ITGA5: variants seen among roughly 807,000 people sequenced by gnomAD.
ITGA5 encodes integrin alpha-5.
Under a neutral mutation model 146.3 loss-of-function variants are expected in ITGA5, and 55 were observed. The observed-to-expected ratio is 0.38, with a 90% CI of 0.30 to 0.47. The LOEUF is 0.47. Among genes scored for constraint, ITGA5 ranks in the 20% least tolerant of loss-of-function variants. The pLI is 0.99. For synonymous variants in ITGA5, 500 were observed against 531.8 expected (o/e 0.94, Z 0.82); for missense variants, 1,131 against 1,329.0 (o/e 0.85, Z 2.32).
rs559417994 is a variant in ITGA5 at position 54,408,328 on chromosome 12, G to A, written c.692-93C>T. On this transcript the variant is annotated intron_variant, in intron 6 of 29. Coordinates refer to ENST00000293379, the MANE Select transcript of ITGA5 (RefSeq NM_002205.5). ...TGACTGGGTAGTATTTCAGAAGTCT[G>A]GTTCAAGAAAGGGAAGCATGGGGAG... 1.6e-5 allele frequency: 23 copies of A among 1,435,248 alleles called. No homozygotes were observed. In the South Asian group the frequency reaches 2.7e-4, roughly 17 times the overall value. 88.9% of individuals were successfully genotyped at this position (1,435,248 alleles called of 1,614,324 possible).
chr12:54,401,712 A>G lies in ITGA5; in HGVS notation c.2307-47T>C. On this transcript the variant is annotated intron_variant, in intron 22 of 29. Transcript: ENST00000293379. The surrounding 1 kb of genome is among the most constrained non-coding windows in gnomAD (Gnocchi z 5.0). The stretch of plus-strand genomic sequence containing the variant: ...GAGGTGCTGGAGTGCAGCCAGTGAG[A>G]ATGGCGCCCAGCCCTCCCTTCCGTC... 1 of 1,611,152 alleles carries G rather than the reference A, an allele frequency of 6.2e-7. No homozygotes were observed. The highest frequency in any genetic ancestry group is 8.5e-7 in the Non-Finnish European group (1 of 1,177,464).
At chr12:54,407,371 G>A in intron 9 of ITGA5, 1 of 488,924 alleles carries the variant, frequency 2.0e-6, no homozygotes. Flanking sequence ...ACTTTCACAT[G>A]CATTTTCTCA....
chr12:54,399,466 T>A (rs1955759096), intron 27 of ITGA5, among the ~76,000 whole-genome samples, 179 bp downstream of exon 27: 1 of 152,104 alleles, frequency 6.6e-6, no homozygotes, highest in Admixed American at 6.6e-5. Flanking sequence ...CTGCTCCCAC[T>A]GTGGCCACTA....
Position 54,419,143 on chromosome 12 carries a change from G to C in ITGA5, c.56C>G (p.Pro19Arg). 1 of 1,583,716 alleles carries C rather than the reference G, an allele frequency of 6.3e-7. No homozygotes were observed. Among genetic ancestry groups the C allele is most frequent in the African/African-American group, 1.4e-5 (1 of 73,626 alleles). The change falls in exon 1 of 30, where the codon CCC becomes CGC. Residue 19 changes from proline to arginine, a missense_variant. Transcript: ENST00000293379. ...PLHAVQLRWG[P>R]RRRPPLLPLL... is the part of the protein sequence containing the mutation. ...CGGCAGCAGCGGGGGTCGGCGCCGGGGGCCCCAGCGCAGCTGCACGGCGTG... is the reference window on the plus strand; with the variant it reads ...CGGCAGCAGCGGGGGTCGGCGCCGGCGGCCCCAGCGCAGCTGCACGGCGTG...
At chr12:54,406,639 A>T (rs1034701085) in intron 9 of ITGA5, among the ~76,000 whole-genome samples, 4 of 152,070 alleles carry the variant, frequency 2.6e-5, no homozygotes, top group Non-Finnish European at 4.4e-5. Flanking sequence ...CAACCTTTCC[A>T]TATTCTACTC....
Position 54,409,388 on chromosome 12 carries a change from G to T in ITGA5, c.463-36C>A. ...CCAGGAGGAGGGGCCTTCAGATTCA[G>T]TCCAATAAGGCCCTTCCTCCCTCCC... is the stretch of plus-strand genomic sequence containing the variant. On this transcript the variant is annotated intron_variant, in intron 3 of 29. Transcript: ENST00000293379. The surrounding 1 kb of genome is among the most constrained non-coding windows in gnomAD (Gnocchi z 4.7). 6.2e-7 allele frequency: 1 copy of T among 1,608,922 alleles called. No individual in the cohort carries two copies.
chr12:54,397,238 G>A, intron 29 of ITGA5, 127 bp downstream of exon 29: 1 of 986,652 alleles, frequency 1.0e-6, no homozygotes, highest in South Asian at 1.5e-5. Flanking sequence ...TGGGATGCAT[G>A]TAGCCAGGAC....
rs1205489349 is a variant in ITGA5, at chr12:54,404,471, C to T, written c.1422G>A (p.Leu474=). 1.2e-6 allele frequency: 2 copies of T among 1,614,086 alleles called. No individual in the cohort carries two copies. The highest frequency in any genetic ancestry group is 1.7e-6 in the Non-Finnish European group (2 of 1,180,012). ...TGTCCACACCAAAGGACCCCACAAT[C>T]AGATCTGTAAGAAGTCAAGAAATCA... is the stretch of plus-strand genomic sequence containing the variant. ...RDLDGNGYPD[L]IVGSFGVDKA... is the part of the protein sequence containing the mutation. Residue 474 remains leucine (L), a synonymous_variant, in exon 14 of 30, where the codon CTG becomes CTA. Transcript: ENST00000293379.
rs767632353 is a variant in ITGA5 at position 54,404,712 on chromosome 12, C to T, written c.1408G>A (p.Gly470Arg). The T allele has an allele frequency of 3.1e-6, 5 of 1,613,118 alleles. No homozygotes were observed. The highest frequency in any genetic ancestry group is 4.2e-6 in the Non-Finnish European group (5 of 1,179,272). Residue 470 changes from glycine (G) to arginine (R), a missense_variant, in exon 13 of 30, where the codon GGA (glycine) becomes AGA (arginine). Gly to Arg is a moderately radical substitution (Grantham distance 125). Around this residue, in one of 3 missense-constraint regions of ITGA5, gnomAD observed 889 missense variants for 1,021.5 expected, o/e 0.87. Transcript: ENST00000293379. ...LRGGRDLDGN[G>R]YPDLIVGSFG... ...CTCAGGCACAACTCACCAGGATATC[C>T]ATTGCCATCCAGGTCTCGGCCTCCT...
In ITGA5 at chr12:54,409,372, G is replaced by A; in HGVS notation, c.463-20C>T. On this transcript the variant is annotated intron_variant, in intron 3 of 29. Coordinates refer to ENST00000293379, the MANE Select transcript of ITGA5 (RefSeq NM_002205.5). The surrounding 1 kb of genome is among the most constrained non-coding windows in gnomAD (Gnocchi z 4.7). ...GCATGCCTGGGAGGGCCCAGGAGGA[G>A]GGGCCTTCAGATTCAGTCCAATAAG... 6.2e-7 allele frequency: 1 copy of A among 1,610,128 alleles called. No homozygotes were observed. The highest frequency in any genetic ancestry group is 1.3e-5 in the African/African-American group (1 of 74,950).
rs115115349 is a variant in ITGA5, at chr12:54,408,252, G to A, written c.692-17C>T. The A allele has an allele frequency of 1.5e-5, 25 of 1,613,806 alleles. No homozygotes were observed. The African/African-American group carries it at 3.2e-4, about 21-fold the overall frequency. Reference sequence around the variant, plus strand: ...GGATCTGGCCTGGAGAGAGTATGAAGAGGGAGTAGATGGAGAGGAAGTGGC... The same window carrying A: ...GGATCTGGCCTGGAGAGAGTATGAAAAGGGAGTAGATGGAGAGGAAGTGGC... On this transcript the variant is annotated splice_polypyrimidine_tract_variant and intron_variant, in intron 6 of 29. Coordinates refer to ENST00000293379, the MANE Select transcript of ITGA5 (RefSeq NM_002205.5).
Position 54,405,725 on chromosome 12 carries a change from G to C in ITGA5, c.964-9C>G, listed in dbSNP as rs1368735417. The C allele has an allele frequency of 1.2e-6, 2 of 1,613,938 alleles. No homozygotes were observed. The highest frequency in any genetic ancestry group is 1.7e-6 in the Non-Finnish European group (2 of 1,179,852). On this transcript the variant is annotated splice_polypyrimidine_tract_variant and intron_variant, in intron 10 of 29. Coordinates refer to ENST00000293379, the MANE Select transcript of ITGA5 (RefSeq NM_002205.5). ...CCAAAGTAGGAGGCCATCTGGGGAG[G>C]ACAAAGGGGCAGCGCTGGGTCAGAA... is the stretch of plus-strand genomic sequence containing the variant.
At chr12:54,406,000 A>G in intron 9 of ITGA5, 74 bp from the exon 10 acceptor site, 1 of 1,317,108 alleles carries the variant, frequency 7.6e-7, no homozygotes, top group Non-Finnish European at 1.1e-6. Context: ...AGATGTGTAC[A>G]GGACACCCAG....
chr12:54,408,659 G>A lies in ITGA5; in HGVS notation c.691+97C>T, dbSNP rs954559283. On this transcript the variant is annotated intron_variant, in intron 6 of 29. Coordinates refer to ENST00000293379, the MANE Select transcript of ITGA5 (RefSeq NM_002205.5). Reference sequence around the variant, plus strand: ...GAGAATCGCTTGAACCTGGGCAGCAGAGGTTGTGCCACTGCACTCCAGCCT... The same window carrying A: ...GAGAATCGCTTGAACCTGGGCAGCAAAGGTTGTGCCACTGCACTCCAGCCT... 2.7e-6 allele frequency: 3 copies of A among 1,097,242 alleles called. No individual in the cohort carries two copies. The Admixed American group carries it at 7.0e-5, about 26-fold the overall frequency. 68.0% of individuals were successfully genotyped at this position (1,097,242 alleles called of 1,614,324 possible).
At chr12:54,418,853 A>G (rs561266377) in intron 1 of ITGA5, 128 bp downstream of exon 1, 6 of 1,128,704 alleles carry the variant, frequency 5.3e-6, no homozygotes, top group Admixed American at 2.9e-5. Context: ...AGGGCCCCCA[A>G]CTGCAGCTCT....
chr12:54,419,186 T>C lies in ITGA5; in HGVS notation c.13A>G (p.Thr5Ala), dbSNP rs779513466. ...ACGGCGTGGAGAGGGGACTCTGGCG[T>C]CCGGCTCCCCATAGCGCCCGCTCTT... Reference protein sequence around the residue: MGSRTPESPLHAVQL... With the variant: MGSRAPESPLHAVQL... The change falls in exon 1 of 30, where the codon ACG (threonine) becomes GCG (alanine). Residue 5 changes from threonine (T) to alanine (A), a missense_variant. Coordinates refer to ENST00000293379, the MANE Select transcript of ITGA5 (RefSeq NM_002205.5). 4 of 1,564,312 alleles carry C rather than the reference T, an allele frequency of 2.6e-6. No individual in the cohort carries two copies. In the South Asian group the frequency reaches 4.6e-5, roughly 18 times the overall value.
chr12:54,419,091 T>TGGCGGCGGCAGCAGCAGCAAC lies in ITGA5; in HGVS notation c.87_107dup (p.Leu30_Pro36dup). Reference sequence around the variant, plus strand: ...CTAAGTTGAAGCCCCCGACCCTGGGTGGCGGCGGCAGCAGCAGCAACAGCA... The same window carrying TGGCGGCGGCAGCAGCAGCAAC: ...CTAAGTTGAAGCCCCCGACCCTGGGTGGCGGCGGCAGCAGCAGCAACGGCGGCGGCAGCAGCAGCAACAGCA... On this transcript the variant is annotated inframe_insertion, in exon 1 of 30. Transcript: ENST00000293379. 1 of 1,587,862 alleles carries TGGCGGCGGCAGCAGCAGCAAC rather than the reference T, an allele frequency of 6.3e-7. No homozygotes were observed. Among genetic ancestry groups the TGGCGGCGGCAGCAGCAGCAAC allele is most frequent in the Non-Finnish European group, 8.5e-7 (1 of 1,170,158 alleles).
At chr12:54,404,651 G>C (rs1451947366) in intron 13 of ITGA5, 52 bp downstream of exon 13, 1 of 1,534,256 alleles carries the variant, frequency 6.5e-7, no homozygotes, top group African/African-American at 1.4e-5. Flanking sequence ...AGAGAGTAGG[G>C]GTCAGTGACC....
chr12:54,405,834 A>G (rs1257761081), intron 10 of ITGA5, 36 bp downstream of exon 10: 1 of 1,608,902 alleles, frequency 6.2e-7, no homozygotes, highest in East Asian at 2.2e-5. Flanking sequence ...TCGTTGACAG[A>G]GGCCAAGCTG....
Sources: allele counts gnomAD v4.1 joint callset (sites outside exome capture counted in the v4.1 genomes callset), GRCh38; gene constraint gnomAD v4.1.1; regional missense constraint gnomAD v4.1.1; non-coding constraint Gnocchi (gnomAD v3.1); transcripts MANE v1.5; gene names NCBI Gene and HGNC (gene_info 2026-07-23, HGNC 2026-07-21).